The following SAMMSON variants were observed in gnomAD, a reference collection of about 807,000 sequenced individuals.
SAMMSON encodes long intergenic non-protein coding RNA 1212.
At chr3:70,308,629 A>C (rs527742732) in intron 7 of SAMMSON, among the ~76,000 whole-genome samples, 1 of 152,308 alleles carries the variant, frequency 6.6e-6, no homozygotes, top group East Asian at 1.9e-4. Flanking sequence ...CGATTGAATG[A>C]GATGAATGAA....
intron 6 of SAMMSON, among the ~76,000 whole-genome samples, chr3:70,257,322 A>C (rs573622292): frequency 6.6e-6 from 1 of 152,312 alleles, no homozygotes; most frequent in African/African-American, 2.4e-5. Flanking sequence ...TTGGGGAAGA[A>C]TCTTCCCTTT....
intron 2 of SAMMSON, among the ~76,000 whole-genome samples, chr3:70,423,603 G>GA (rs5849951): frequency 0.23 from 35,529 of 151,968 alleles, 4,309 homozygotes; most frequent in East Asian, 0.32. Flanking sequence ...CAATCAGTGA[G>GA]AAAAAACGTG....
At chr3:70,151,701 G>A (rs1559524037) in intron 4 of SAMMSON, among the ~76,000 whole-genome samples, 1 of 151,932 alleles carries the variant, frequency 6.6e-6, no homozygotes, top group East Asian at 1.9e-4. Flanking sequence ...ATAAATGTAA[G>A]AAAAAATTGC....
intron 4 of SAMMSON, among the ~76,000 whole-genome samples, chr3:70,244,236 G>C (rs1326221628): frequency 1.3e-5 from 2 of 152,180 alleles, no homozygotes; most frequent in East Asian, 1.9e-4. Context: ...ACTCCAGTAA[G>C]GAACTAATGT....
intron 2 of SAMMSON, among the ~76,000 whole-genome samples, chr3:70,401,634 T>C (rs989551973): frequency 6.6e-6 from 1 of 152,192 alleles, no homozygotes; most frequent in Non-Finnish European, 1.5e-5. Flanking sequence ...TTCTATTTAT[T>C]TTCACTTTTT....
At chr3:70,076,213 G>A (rs1261974030) in intron 4 of SAMMSON, among the ~76,000 whole-genome samples, 2 of 152,018 alleles carry the variant, frequency 1.3e-5, no homozygotes, top group African/African-American at 2.4e-5. Flanking sequence ...GAAATTTAGG[G>A]TGAGGGTGGC....
At chr3:70,106,160 A>G (rs1212696145) in intron 4 of SAMMSON, among the ~76,000 whole-genome samples, 1 of 152,156 alleles carries the variant, frequency 6.6e-6, no homozygotes, top group African/African-American at 2.4e-5. Flanking sequence ...CTTCTGATAT[A>G]TCCACTGAAT....
chr3:70,024,884 A>G (rs955187253), intron 3 of SAMMSON: 4 of 152,198 alleles, frequency 2.6e-5, no homozygotes, highest in African/African-American at 9.6e-5. Context: ...GAGGCAGAAA[A>G]CTCAAGAATG....
At chr3:70,065,989 T>C (rs1420934927) in intron 3 of SAMMSON, among the ~76,000 whole-genome samples, 1 of 152,144 alleles carries the variant, frequency 6.6e-6, no homozygotes. Context: ...AGTTACATGC[T>C]GGTGAGCTGA....
intron 3 of SAMMSON, among the ~76,000 whole-genome samples, chr3:70,061,635 C>T (rs1379671456): frequency 6.6e-6 from 1 of 152,046 alleles, no homozygotes; most frequent in East Asian, 2.0e-4. Flanking sequence ...CTGGCCAGCC[C>T]ACCTCCCAAG....
intron 4 of SAMMSON, among the ~76,000 whole-genome samples, chr3:70,095,125 A>C (rs1040981546): frequency 3.9e-5 from 6 of 152,186 alleles, no homozygotes; most frequent in Non-Finnish European, 5.9e-5. Context: ...ATTTAGAGCA[A>C]AGAATGGAGG....
chr3:70,270,598 T>G (rs2106671059), intron 6 of SAMMSON, among the ~76,000 whole-genome samples: 2 of 152,300 alleles, frequency 1.3e-5, no homozygotes, highest in Admixed American at 1.3e-4. Context: ...ATTTCACAGC[T>G]GGCCAGGGTT....
At chr3:70,336,837 TG>T (rs1702664325) in intron 7 of SAMMSON, among the ~76,000 whole-genome samples, 1 of 149,574 alleles carries the variant, frequency 6.7e-6, no homozygotes, top group Non-Finnish European at 1.5e-5. Context: ...TGTGTGTGTG[TG>T]TGTGTGTGTG....
chr3:70,246,627 A>G (rs1701710238), intron 4 of SAMMSON, among the ~76,000 whole-genome samples: 1 of 152,102 alleles, frequency 6.6e-6, no homozygotes, highest in Non-Finnish European at 1.5e-5. Context: ...ACTGAAACGT[A>G]TTTAAGGGGT....
At chr3:70,112,443 G>T (rs571095627) in intron 4 of SAMMSON, among the ~76,000 whole-genome samples, 1 of 152,186 alleles carries the variant, frequency 6.6e-6, no homozygotes, top group South Asian at 2.1e-4. Flanking sequence ...TGGAAACATT[G>T]GAAGGAAAGA....
intron 7 of SAMMSON, among the ~76,000 whole-genome samples, chr3:70,324,319 T>C (rs9814229): frequency 0.013 from 1,998 of 152,178 alleles, 31 homozygotes; most frequent in African/African-American, 0.045. Flanking sequence ...CACTTGAAAG[T>C]TATGCACTGC....
intron 9 of SAMMSON, among the ~76,000 whole-genome samples, chr3:70,379,757 C>G (rs2106751098): frequency 6.6e-6 from 1 of 152,140 alleles, no homozygotes; most frequent in Non-Finnish European, 1.5e-5. Flanking sequence ...CAACTAATTT[C>G]CTTGTCCTTT....
At chr3:70,034,712 C>T (rs1209322961) in intron 3 of SAMMSON, among the ~76,000 whole-genome samples, 3 of 152,146 alleles carry the variant, frequency 2.0e-5, no homozygotes, top group East Asian at 3.9e-4. Flanking sequence ...GGCATGGTAG[C>T]GGGCACCTGT....
intron 4 of SAMMSON, among the ~76,000 whole-genome samples, chr3:70,130,710 T>A (rs2067479338): frequency 6.6e-6 from 1 of 152,114 alleles, no homozygotes; most frequent in Non-Finnish European, 1.5e-5. Flanking sequence ...CAGGTGAACA[T>A]GTTCTAGCCA....
Sources: gnomAD v4.1 joint callset for allele counts (sites outside exome capture counted in the v4.1 genomes callset) on GRCh38, gnomAD v4.1.1 for gene constraint, MANE v1.5 for transcripts, NCBI Gene and HGNC (gene_info 2026-07-23, HGNC 2026-07-21) for gene names.